Variants in EPHA5 observed in about 807,000 individuals in gnomAD.
EPHA5 encodes the protein EPH receptor A5.
In EPHA5, 60 loss-of-function variants were observed where a neutral mutation model predicts 105.0. That is an observed-to-expected ratio of 0.57 (90% confidence interval 0.46 to 0.71). The LOEUF (loss-of-function observed/expected upper bound fraction) is 0.71. Among genes scored for constraint, EPHA5 ranks in the 30% least tolerant of loss-of-function variants. EPHA5 has a pLI of 0.00. For missense variants in EPHA5, 1,218 were observed against 1,274.7 expected, an observed-to-expected ratio of 0.96 and a Z score of 0.68; for synonymous variants, 513 against 449.1, an observed-to-expected ratio of 1.14 and a Z score of -1.80.
At chr4:65,609,251 A>G (rs1744528915) in intron 2 of EPHA5, among the ~76,000 whole-genome samples, 1 of 152,234 alleles carries the variant, frequency 6.6e-6, no homozygotes, top group Non-Finnish European at 1.5e-5. Flanking sequence ...AGCAAAAATC[A>G]TTTGAATCAA....
At chr4:65,468,356 T>C (rs1039788562) in intron 5 of EPHA5, among the ~76,000 whole-genome samples, 7 of 151,290 alleles carry the variant, frequency 4.6e-5, no homozygotes, top group Non-Finnish European at 1.0e-4. Context: ...ATATATTTTT[T>C]CAAAGTGAGA....
rs1206625966 is a variant in EPHA5, at chr4:65,321,778, G to A, written c.*2336C>T. On this transcript the variant is annotated 3_prime_UTR_variant, in exon 17 of 17. Transcript: ENST00000613740. ...ACCCGGACCTCCTAATTATCTTTCA[G>A]CATATAAAGTTGGAAAACAATGTAG... 1 of 227,494 alleles carries A rather than the reference G, an allele frequency of 4.4e-6. No individual in the cohort carries two copies. The highest frequency in any genetic ancestry group is 8.7e-6 in the Non-Finnish European group (1 of 114,516). The allele number at this position is 227,494 out of a possible 1,614,324, so 14.1% of individuals were successfully genotyped here. A position where few individuals can be genotyped will look rare whatever the true frequency, so the allele number is the denominator to read the frequency against.
intron 1 of EPHA5, among the ~76,000 whole-genome samples, chr4:65,668,177 G>T (rs1322897237): frequency 1.3e-5 from 2 of 152,134 alleles, no homozygotes; most frequent in African/African-American, 4.8e-5. Context: ...GAGGGCAGGG[G>T]AGCCTCTATC....
chr4:65,592,744 A>G (rs547647335), intron 3 of EPHA5, among the ~76,000 whole-genome samples: 2 of 152,290 alleles, frequency 1.3e-5, no homozygotes, highest in South Asian at 4.1e-4. Context: ...GGTTGCATAT[A>G]ACAATCAACT....
chr4:65,558,875 A>G (rs1325844539), intron 3 of EPHA5, among the ~76,000 whole-genome samples: 8 of 152,168 alleles, frequency 5.3e-5, no homozygotes, highest in Non-Finnish European at 1.2e-4. Context: ...TCATTTAAAA[A>G]ATTCTTAAAA....
At chr4:65,517,748 A>G (rs1037757962) in intron 3 of EPHA5, among the ~76,000 whole-genome samples, 5 of 151,888 alleles carry the variant, frequency 3.3e-5, no homozygotes, top group African/African-American at 4.8e-5. Flanking sequence ...CTTTTTGCCT[A>G]TACCTCACAT....
intron 5 of EPHA5, among the ~76,000 whole-genome samples, chr4:65,462,228 A>G (rs182433637): frequency 6.6e-6 from 1 of 152,310 alleles, no homozygotes; most frequent in Non-Finnish European, 1.5e-5. Context: ...CCTACTAGCT[A>G]AATACAAGTT....
chr4:65,324,239 AT>A lies in EPHA5; in HGVS notation c.2946-21del, dbSNP rs1273299682. The A allele has an allele frequency of 1.3e-6, 2 of 1,536,408 alleles. No individual in the cohort carries two copies. On this transcript the variant is annotated intron_variant, in intron 16 of 16. Transcript: ENST00000613740. ...AAATCCCTGCATGAAGAAAGCACAC[AT>A]TGGATGTATTGATTCAATTTGTAGC...
chr4:65,619,836 G>A (rs965965669), intron 2 of EPHA5, among the ~76,000 whole-genome samples: 4 of 151,606 alleles, frequency 2.6e-5, no homozygotes, highest in African/African-American at 9.7e-5. Flanking sequence ...ATTTTTACAT[G>A]TAAAATCTAC....
intron 5 of EPHA5, among the ~76,000 whole-genome samples, chr4:65,444,383 T>C (rs1447751035): frequency 6.6e-6 from 1 of 152,152 alleles, no homozygotes; most frequent in Non-Finnish European, 1.5e-5. Context: ...GTCACTTTCA[T>C]TTGAATAATC....
intron 1 of EPHA5, among the ~76,000 whole-genome samples, chr4:65,663,769 G>T (rs1749738593): frequency 6.6e-6 from 1 of 151,840 alleles, no homozygotes; most frequent in Non-Finnish European, 1.5e-5. Flanking sequence ...AAGAATAATT[G>T]CAATGAATAA....
intron 3 of EPHA5, among the ~76,000 whole-genome samples, chr4:65,592,830 C>T (rs530156848): frequency 6.6e-5 from 10 of 152,194 alleles, no homozygotes; most frequent in African/African-American, 2.4e-4. Flanking sequence ...TGGTTATGGC[C>T]GACAACAACG....
chr4:65,341,673 T>C (rs990233011), intron 14 of EPHA5, among the ~76,000 whole-genome samples: 1 of 151,846 alleles, frequency 6.6e-6, no homozygotes, highest in Admixed American at 6.6e-5. Context: ...GATAGTGCAT[T>C]CTTCATCACA....
At chr4:65,367,992 T>C (rs1718086620) in intron 8 of EPHA5, among the ~76,000 whole-genome samples, 1 of 152,026 alleles carries the variant, frequency 6.6e-6, no homozygotes. Flanking sequence ...TCTCTCTTCG[T>C]TTTCTCAATA....
intron 5 of EPHA5, among the ~76,000 whole-genome samples, chr4:65,443,862 T>C (rs780533742): frequency 6.6e-6 from 1 of 152,080 alleles, no homozygotes; most frequent in Non-Finnish European, 1.5e-5. Flanking sequence ...GGATGACCTA[T>C]TTCCTTGAAA....
chr4:65,442,738 A>G (rs1726142922), intron 5 of EPHA5, among the ~76,000 whole-genome samples: 1 of 152,184 alleles, frequency 6.6e-6, no homozygotes, highest in South Asian at 2.1e-4. Flanking sequence ...GCCCACCACA[A>G]CCATATTTTT....
At chr4:65,387,272 G>A (rs1008742543) in intron 8 of EPHA5, among the ~76,000 whole-genome samples, 4 of 151,850 alleles carry the variant, frequency 2.6e-5, no homozygotes, top group Admixed American at 1.3e-4. Context: ...AGCTGGGGGC[G>A]CTGTCCAAAG....
chr4:65,605,150 C>T (rs1172354036), intron 2 of EPHA5, among the ~76,000 whole-genome samples: 1 of 152,152 alleles, frequency 6.6e-6, no homozygotes, highest in African/African-American at 2.4e-5. Flanking sequence ...CTTGATTTAT[C>T]TCCCAGATTC....
At chr4:65,630,422 G>A (rs1746527756) in intron 2 of EPHA5, among the ~76,000 whole-genome samples, 1 of 152,176 alleles carries the variant, frequency 6.6e-6, no homozygotes, top group Admixed American at 6.5e-5. Context: ...CCCCTCTCAA[G>A]TGGTAGCAGG....
Sources: allele counts gnomAD v4.1 joint callset (sites outside exome capture counted in the v4.1 genomes callset), GRCh38; gene constraint gnomAD v4.1.1; transcripts MANE v1.5; gene names NCBI Gene and HGNC (gene_info 2026-07-23, HGNC 2026-07-21).